SYBU: variants seen among roughly 807,000 people sequenced by gnomAD.
SYBU encodes GOLSYN A protein.
In SYBU, 21 loss-of-function variants were observed where a neutral mutation model predicts 35.9. That is an observed-to-expected ratio of 0.58 (90% CI 0.41 to 0.84). SYBU has a LOEUF of 0.84. Among genes scored for constraint, SYBU ranks in the 40% least tolerant of loss-of-function variants. The pLI is 0.00. For synonymous variants in SYBU, 319 were observed against 324.3 expected (o/e 0.98, Z 0.18); for missense variants, 768 against 848.2 (o/e 0.91, Z 1.17).
At chr8:109,686,227 C>G (rs13270118) in intron 1 of SYBU, among the ~76,000 whole-genome samples, 1 of 151,654 alleles carries the variant, frequency 6.6e-6, no homozygotes, top group Non-Finnish European at 1.5e-5. Context: ...CAAAGCACCC[C>G]CCGACAGCCT....
At chr8:109,611,819 T>C (rs1811202222) in intron 3 of SYBU, among the ~76,000 whole-genome samples, 2 of 152,216 alleles carry the variant, frequency 1.3e-5, no homozygotes, top group South Asian at 4.1e-4. Flanking sequence ...CAAATGGCCT[T>C]GTATGTCCAA....
intron 3 of SYBU, among the ~76,000 whole-genome samples, chr8:109,608,574 A>C (rs961812708): frequency 1.3e-5 from 2 of 152,224 alleles, no homozygotes; most frequent in African/African-American, 2.4e-5. Context: ...AATTTAAGGC[A>C]GATTCCCTCT....
intron 3 of SYBU, among the ~76,000 whole-genome samples, chr8:109,598,000 T>G (rs1825089883): frequency 6.6e-6 from 1 of 152,174 alleles, no homozygotes. Flanking sequence ...TTCAGAAGAA[T>G]GAGAAGATGA....
At position 109,625,586 on chromosome 8, in the gene SYBU, T is replaced by C. The variant is rs73317094; in HGVS notation, c.230-6547A>G. On this transcript the variant is annotated intron_variant, in intron 2 of 6. Transcript: ENST00000276646. ...ACAGGCTTAGGTCACTGTGTTCAGC[T>C]TATTTTTAATTTTTTTTAAGGGACA... 5.0e-3 allele frequency among the ~76,000 whole-genome samples: 765 copies of C among 152,214 alleles called. 7 individuals are homozygous for C. The highest frequency in any genetic ancestry group is 0.018 in the African/African-American group (727 of 41,520).
chr8:109,599,384 C>T (rs935542531), intron 3 of SYBU, among the ~76,000 whole-genome samples: 1 of 152,192 alleles, frequency 6.6e-6, no homozygotes, highest in Non-Finnish European at 1.5e-5. Flanking sequence ...CTGAGGACCA[C>T]CTGCATCAGT....
rs1308125562 is a variant in SYBU, at chr8:109,642,714, C to T, written c.229+14G>A. The T allele has an allele frequency of 1.3e-6, 2 of 1,561,846 alleles. No individual in the cohort carries two copies. The highest frequency in any genetic ancestry group is 4.6e-5 in the East Asian group (2 of 43,928). ...ACGCTTCACGCCTCTGGTGGCCTCC[C>T]GAGGGTACTGTACCTGAGCAGAAGC... On this transcript the variant is annotated intron_variant, in intron 2 of 6. Coordinates refer to ENST00000276646, the MANE Select transcript of SYBU (RefSeq NM_001099754.2).
At chr8:109,644,532 C>T in intron 1 of SYBU, 104 bp downstream of exon 1, 1 of 1,372,428 alleles carries the variant, frequency 7.3e-7, no homozygotes, top group Non-Finnish European at 1.0e-6. Context: ...CCACCTTTCC[C>T]CAGACTCTAA....
At chr8:109,591,748 G>A (rs915898356) in intron 3 of SYBU, among the ~76,000 whole-genome samples, 2 of 151,496 alleles carry the variant, frequency 1.3e-5, no homozygotes, top group Admixed American at 1.3e-4. Context: ...TCCTGACCTC[G>A]TGATCCGCCC....
intron 1 of SYBU, among the ~76,000 whole-genome samples, chr8:109,667,029 T>C (rs1205323572): frequency 6.6e-6 from 1 of 152,196 alleles, no homozygotes; most frequent in Non-Finnish European, 1.5e-5. Flanking sequence ...AATTATTACA[T>C]ACAACAGAGT....
At chr8:109,652,335 CTCT>C (rs967332228) in intron 1 of SYBU, among the ~76,000 whole-genome samples, 10 of 148,234 alleles carry the variant, frequency 6.7e-5, no homozygotes, top group African/African-American at 1.8e-4. Flanking sequence ...TCTCTTCCTC[CTCT>C]TCTTCTTCCT....
At chr8:109,619,717 T>A (rs1446401615) in intron 2 of SYBU, among the ~76,000 whole-genome samples, 1 of 152,230 alleles carries the variant, frequency 6.6e-6, no homozygotes, top group East Asian at 1.9e-4. Flanking sequence ...AGAGTTTACA[T>A]CTGGAAAATA....
At chr8:109,682,218 A>T (rs1817417420), upstream of SYBU, among the ~76,000 whole-genome samples, 1 of 152,212 alleles carries the variant, frequency 6.6e-6, no homozygotes, top group East Asian at 1.9e-4. Context: ...AGGTTAAAAC[A>T]GTTTGGAGGG....
intron 2 of SYBU, among the ~76,000 whole-genome samples, chr8:109,627,433 C>T (rs559840081): frequency 5.9e-5 from 9 of 152,218 alleles, no homozygotes; most frequent in African/African-American, 1.4e-4. Flanking sequence ...ACATACCTTT[C>T]GGTGCATTTA....
chr8:109,579,597 G>A (rs748729100), intron 5 of SYBU, among the ~76,000 whole-genome samples: 2 of 152,140 alleles, frequency 1.3e-5, no homozygotes, highest in East Asian at 3.9e-4. Context: ...TGCTTAGATT[G>A]CTGTGCCTTG....
At chr8:109,578,169 AC>A (rs1822577100) in intron 5 of SYBU, 152 bp from the exon 6 acceptor site, 2 of 864,318 alleles carry the variant, frequency 2.3e-6, no homozygotes, top group Admixed American at 5.6e-5. Flanking sequence ...TTAGGTGGTG[AC>A]GACTTTGGGA....
intron 1 of SYBU, among the ~76,000 whole-genome samples, chr8:109,676,504 A>G (rs1350187874): frequency 6.6e-6 from 1 of 152,216 alleles, no homozygotes; most frequent in African/African-American, 2.4e-5. Context: ...CACTGTCATT[A>G]TCAAATTAAG....
intron 1 of SYBU, among the ~76,000 whole-genome samples, chr8:109,676,636 G>A (rs986708795): frequency 3.3e-5 from 5 of 152,118 alleles, no homozygotes; most frequent in Admixed American, 1.3e-4. Flanking sequence ...ATTATAAATC[G>A]CAGTTGCTTA....
rs1353195744 is a variant in SYBU at position 109,691,335 on chromosome 8, T to C, written c.-60A>G. The C allele has an allele frequency of 2.8e-6, 2 of 701,798 alleles. No individual in the cohort carries two copies. The highest frequency in any genetic ancestry group is 2.7e-5 in the East Asian group (1 of 37,098). The allele number at this position is 701,798 out of a possible 1,614,324, so 43.5% of individuals were successfully genotyped here. On this transcript the variant is annotated splice_region_variant and 5_prime_UTR_variant, in exon 1 of 8. Transcript: ENST00000422135. This position sits in a 1 kb window ranked among gnomAD's most constrained non-coding sequence, Gnocchi z 4.7. ...CCGCATAGGCGCCCCGGTCTTACCC[T>C]TTCTCGCCCAGAAGGGCCCCATCGC...
intron 2 of SYBU, among the ~76,000 whole-genome samples, chr8:109,631,127 C>A (rs1478635669): frequency 6.6e-6 from 1 of 151,972 alleles, no homozygotes; most frequent in African/African-American, 2.4e-5. Flanking sequence ...AGAGGTTTTG[C>A]CATGAAGAGG....
Sources: allele counts gnomAD v4.1 joint callset (sites outside exome capture counted in the v4.1 genomes callset), GRCh38; gene constraint gnomAD v4.1.1; non-coding constraint Gnocchi (gnomAD v3.1); transcripts MANE v1.5; gene names NCBI Gene and HGNC (gene_info 2026-07-23, HGNC 2026-07-21).